The following LSM5 variants were observed in gnomAD, a reference collection of about 807,000 sequenced individuals.
LSM5 encodes the protein LSM5 homolog, U6 small nuclear RNA and mRNA degradation associated, also known as U6 snRNA-associated Sm-like protein LSm5.
LSM5 carries 8 observed loss-of-function variants against 13.8 expected under a neutral mutation model. The observed-to-expected ratio is 0.58, with a 90% CI of 0.34 to 1.04. The LOEUF (loss-of-function observed/expected upper bound fraction) is 1.04, where lower values mean the gene tolerates loss of function less well. Ranked by LOEUF, LSM5 falls within the 50% of genes least tolerant of loss-of-function variation. LSM5 has a pLI of 0.03. For missense variants in LSM5, 80 were observed against 108.1 expected (o/e 0.74, Z 1.15); for synonymous variants, 35 against 37.0 (o/e 0.95, Z 0.20).
At chr7:32,487,329 T>C (rs1239585083) in intron 4 of LSM5, 36 bp from the exon 5 acceptor site, 2 of 1,589,078 alleles carry the variant, frequency 1.3e-6, no homozygotes, top group Admixed American at 1.7e-5. Flanking sequence ...TTAATAACAC[T>C]ACCACCATGT....
At chr7:32,492,295 T>A (rs1322113040), upstream of LSM5, among the ~76,000 whole-genome samples, 1 of 152,136 alleles carries the variant, frequency 6.6e-6, no homozygotes, top group Non-Finnish European at 1.5e-5. Flanking sequence ...GGGGCCGAGG[T>A]GGGCGGATCA....
upstream of LSM5, among the ~76,000 whole-genome samples, chr7:32,492,708 A>G (rs1345921838): frequency 6.6e-6 from 1 of 152,246 alleles, no homozygotes; most frequent in African/African-American, 2.4e-5. Context: ...AGACACAAAA[A>G]GGAAGAACAG....
chr7:32,491,397 C>CAAA (rs11393390), upstream of LSM5, among the ~76,000 whole-genome samples: 19 of 97,794 alleles, frequency 1.9e-4, no homozygotes, highest in East Asian at 3.2e-4. Context: ...AACTCCATCT[C>CAAA]AAAAAAAAAA....
At chr7:32,489,129 A>G (rs1284015250) in intron 2 of LSM5, 120 bp downstream of exon 2, 3 of 606,612 alleles carry the variant, frequency 4.9e-6, no homozygotes, top group Non-Finnish European at 8.8e-6. Context: ...AAACATTATC[A>G]TAAGTTCCCT....
At chr7:32,487,594 A>T in intron 4 of LSM5, 91 bp downstream of exon 4, 1 of 771,688 alleles carries the variant, frequency 1.3e-6, no homozygotes, top group Non-Finnish European at 2.3e-6. Flanking sequence ...ATGATCATTT[A>T]GTCAAGCAAG....
chr7:32,489,938 T>A, intron 1 of LSM5: 1 of 846,602 alleles, frequency 1.2e-6, no homozygotes. Context: ...CGGACCAGGG[T>A]GTTAGTGTCA....
At chr7:32,490,873 T>C (rs1352047250), upstream of LSM5, 2 of 165,582 alleles carry the variant, frequency 1.2e-5, no homozygotes, top group African/African-American at 4.8e-5. Flanking sequence ...GATATGTTTT[T>C]TAAACTTTTT....
upstream of LSM5, chr7:32,490,444 A>C (rs1039004710): frequency 2.4e-6 from 3 of 1,246,008 alleles, no homozygotes; most frequent in Non-Finnish European, 3.5e-6. Context: ...CCGCAGCCCA[A>C]ACAGGCTCGA....
In LSM5 at chr7:32,486,175, T is replaced by C. The variant is rs1288818451; in HGVS notation, c.*1086A>G. The C allele has an allele frequency of 6.6e-6, 1 of 152,158 alleles. No individual in the cohort carries two copies. The highest frequency in any genetic ancestry group is 1.5e-5 in the Non-Finnish European group (1 of 68,026). 9.4% of individuals were successfully genotyped at this position (152,158 alleles called of 1,614,324 possible). A position where few individuals can be genotyped will look rare whatever the true frequency, so the allele number is the denominator to read the frequency against. ...TGAGTTTATTCTAGAAAAATACAAA[T>C]GTATAAAGATCTAGTTAGACTACTG... On this transcript the variant is annotated 3_prime_UTR_variant, in exon 5 of 5. Transcript: ENST00000450169.
rs10598963 is a variant in LSM5 at position 32,485,942 on chromosome 7, C to CAAA, written c.*1316_*1318dup. The stretch of plus-strand genomic sequence containing the variant: ...GCCACTGCATTCCAGTGAGACTCTC[C>CAAA]AAAAAAAAAAAAAAAAAAAAAAAAA... On this transcript the variant is annotated 3_prime_UTR_variant, in exon 5 of 5. Transcript: ENST00000450169. 3.5e-5 allele frequency: 4 copies of CAAA among 114,536 alleles called. No homozygotes were observed. In the East Asian group the frequency reaches 7.3e-4, roughly 21 times the overall value. 7.1% of individuals were successfully genotyped at this position (114,536 alleles called of 1,614,324 possible). A position where few individuals can be genotyped will look rare whatever the true frequency, so the allele number is the denominator to read the frequency against.
chr7:32,491,148 C>A (rs1786575130), upstream of LSM5, among the ~76,000 whole-genome samples: 1 of 152,200 alleles, frequency 6.6e-6, no homozygotes, highest in Admixed American at 6.5e-5. Context: ...GTAATCCCAG[C>A]ACTTTGGAAG....
At chr7:32,491,088 C>T (rs1056767033), upstream of LSM5, among the ~76,000 whole-genome samples, 3 of 152,110 alleles carry the variant, frequency 2.0e-5, no homozygotes, top group Admixed American at 1.3e-4. Flanking sequence ...ATATTTGTAT[C>T]CTAGGAACTT....
intron 3 of LSM5, 39 bp downstream of exon 3, chr7:32,488,586 T>C: frequency 7.0e-7 from 1 of 1,424,356 alleles, no homozygotes; most frequent in Non-Finnish European, 9.9e-7. Context: ...CTGTCTTTAA[T>C]TAAGAAGAGA....
chr7:32,491,344 C>T (rs1044244372), upstream of LSM5, among the ~76,000 whole-genome samples: 1 of 148,394 alleles, frequency 6.7e-6, no homozygotes, highest in Admixed American at 6.9e-5. Context: ...TTGCAGTGAG[C>T]CTAGATCATG....
intron 3 of LSM5, chr7:32,488,393 T>A: frequency 2.3e-6 from 1 of 432,960 alleles, no homozygotes; most frequent in South Asian, 3.7e-5. Context: ...CCTGGCTCTT[T>A]TTGTTATCTT....
chr7:32,495,279 C>T (rs1354936893), upstream of LSM5: 1 of 158,022 alleles, frequency 6.3e-6, no homozygotes, highest in African/African-American at 2.4e-5. Context: ...CCGCCCGGGT[C>T]ACGTAAGCCC....
upstream of LSM5, among the ~76,000 whole-genome samples, chr7:32,493,857 C>CTTT (rs3079776): frequency 0.026 from 3,675 of 141,794 alleles, 151 homozygotes; most frequent in African/African-American, 0.089. Flanking sequence ...TTATATATAT[C>CTTT]TTTTTTTTTT....
upstream of LSM5, among the ~76,000 whole-genome samples, chr7:32,492,527 CA>C (rs1485851329): frequency 9.8e-6 from 1 of 101,766 alleles, no homozygotes; most frequent in African/African-American, 3.1e-5. Flanking sequence ...CTCAAAACAA[CA>C]ACAACAAAAA....
At chr7:32,492,543 A>C (rs1417925707), upstream of LSM5, among the ~76,000 whole-genome samples, 4 of 152,224 alleles carry the variant, frequency 2.6e-5, no homozygotes, top group Admixed American at 2.0e-4. Flanking sequence ...CAAAAAAAAA[A>C]CAGAATAAAC....
Sources: gnomAD v4.1 joint callset for allele counts (sites outside exome capture counted in the v4.1 genomes callset) on GRCh38, gnomAD v4.1.1 for gene constraint, MANE v1.5 for transcripts, NCBI Gene and HGNC (gene_info 2026-07-23, HGNC 2026-07-21) for gene names.